The following CREB3L2 variants were observed in gnomAD, a reference collection of about 807,000 sequenced individuals.
CREB3L2 encodes the protein cAMP responsive element binding protein 3 like 2.
A neutral mutation model predicts 57.2 loss-of-function variants in CREB3L2; 23 were observed. The ratio of observed to expected loss-of-function variants is 0.40; its 90% confidence interval spans 0.29 to 0.57. The LOEUF (loss-of-function observed/expected upper bound fraction) is 0.57, where lower values mean the gene tolerates loss of function less well. CREB3L2 is among the 20% of genes least tolerant of loss of function. The probability of loss-of-function intolerance (pLI) is 0.42; values close to 1 mark genes in which losing one functional copy is unlikely to be tolerated. For missense variants in CREB3L2, 628 were observed against 634.7 expected (o/e 0.99, Z 0.11); for synonymous variants, 268 against 265.1 (o/e 1.01, Z -0.11).
chr7:137,903,132 A>G (rs1293745075), intron 7 of CREB3L2, among the ~76,000 whole-genome samples: 1 of 152,100 alleles, frequency 6.6e-6, no homozygotes, highest in Non-Finnish European at 1.5e-5. Context: ...TTTTTTCTGA[A>G]TATTTTAGAC....
chr7:137,958,593 A>T (rs1801262212), intron 1 of CREB3L2, among the ~76,000 whole-genome samples: 1 of 152,258 alleles, frequency 6.6e-6, no homozygotes, highest in Admixed American at 6.5e-5. Flanking sequence ...TAAGAGTTTT[A>T]AAAAGCTGTA....
chr7:137,976,770 T>A (rs1487159693), intron 1 of CREB3L2, among the ~76,000 whole-genome samples: 1 of 152,210 alleles, frequency 6.6e-6, no homozygotes, highest in Non-Finnish European at 1.5e-5. Flanking sequence ...TAGTATTTTT[T>A]AAAAATCTCC....
rs544763035 is a variant in CREB3L2, at chr7:137,991,013, T to G, written c.102+10591A>C. On this transcript the variant is annotated intron_variant, in intron 1 of 11. Transcript: ENST00000330387. ...CTGTTTTTCCATTCTTTATTTTGTC[T>G]GGGTTTCACTTAAACAAAGTTTTAA... Among the ~76,000 whole-genome samples, 8 of 152,330 alleles carry G rather than the reference T, an allele frequency of 5.3e-5. 1 individual carries two copies. The Middle Eastern group carries it at 0.017, about 324-fold the overall frequency.
intron 1 of CREB3L2, among the ~76,000 whole-genome samples, chr7:137,945,359 A>C (rs1252151520): frequency 6.6e-6 from 1 of 152,184 alleles, no homozygotes; most frequent in African/African-American, 2.4e-5. Context: ...TCTAATTTAC[A>C]ATGGGAGGAA....
chr7:137,932,729 G>C (rs1446600307), intron 1 of CREB3L2, among the ~76,000 whole-genome samples: 1 of 152,174 alleles, frequency 6.6e-6, no homozygotes, highest in Non-Finnish European at 1.5e-5. Context: ...GTTCCTACAA[G>C]TTCAAATATG....
chr7:137,914,987 A>C (rs1314900203), intron 3 of CREB3L2, among the ~76,000 whole-genome samples: 1 of 151,990 alleles, frequency 6.6e-6, no homozygotes, highest in Non-Finnish European at 1.5e-5. Context: ...TCCGCCTCCC[A>C]AAGTGCTGGG....
intron 1 of CREB3L2, among the ~76,000 whole-genome samples, chr7:137,942,481 A>C (rs1294481181): frequency 6.6e-6 from 1 of 152,228 alleles, no homozygotes; most frequent in Non-Finnish European, 1.5e-5. Context: ...GTAGTGGTTC[A>C]GTGTACCTTA....
At chr7:137,972,344 A>G (rs1222847863) in intron 1 of CREB3L2, among the ~76,000 whole-genome samples, 8 of 151,662 alleles carry the variant, frequency 5.3e-5, no homozygotes, top group Non-Finnish European at 1.2e-4. Flanking sequence ...AGGCTGAGGC[A>G]GGAGAATTGC....
Position 137,882,730 on chromosome 7 carries a change from T to C in CREB3L2, c.1271-102A>G, listed in dbSNP as rs988505664. On this transcript the variant is annotated intron_variant, in intron 10 of 11. Coordinates refer to ENST00000330387, the MANE Select transcript of CREB3L2 (RefSeq NM_194071.4). ...AGGGCTGGTGGCAGATGACAATGTG[T>C]GTGTTCTCGTTGCCCAGAACCATGG... 1.2e-5 allele frequency: 9 copies of C among 759,212 alleles called. No individual in the cohort carries two copies. In the Admixed American group the frequency reaches 1.2e-4, roughly 10 times the overall value. The allele number at this position is 759,212 out of a possible 1,614,324, so 47.0% of individuals were successfully genotyped here.
At chr7:137,958,473 T>G (rs1322741408) in intron 1 of CREB3L2, among the ~76,000 whole-genome samples, 2 of 151,920 alleles carry the variant, frequency 1.3e-5, no homozygotes, top group Non-Finnish European at 2.9e-5. Flanking sequence ...GAGACCAGAC[T>G]GGGCAACATA....
At chr7:137,961,589 G>A (rs76029561) in intron 1 of CREB3L2, among the ~76,000 whole-genome samples, 1,850 of 152,222 alleles carry the variant, frequency 0.012, 19 homozygotes, top group Non-Finnish European at 0.019. Context: ...AACTCTTCCT[G>A]TCATTTTGGG....
intron 8 of CREB3L2, among the ~76,000 whole-genome samples, chr7:137,893,746 C>T (rs939253867): frequency 1.3e-5 from 2 of 152,086 alleles, no homozygotes; most frequent in South Asian, 2.1e-4. Flanking sequence ...AGAGGAAGAT[C>T]AAAGAAAAAG....
At chr7:137,896,247 C>G (rs1283755628) in intron 8 of CREB3L2, among the ~76,000 whole-genome samples, 1 of 152,240 alleles carries the variant, frequency 6.6e-6, no homozygotes, top group African/African-American at 2.4e-5. Context: ...TTGAGCGAAG[C>G]AGCCCTGCTT....
At position 137,928,283 on chromosome 7, in the gene CREB3L2, C is replaced by T; in HGVS notation, c.186G>A (p.Val62=). Residue 62 remains valine (V), a synonymous_variant, in exon 2 of 12, where the codon GTG becomes GTA. Transcript: ENST00000330387. The stretch of plus-strand genomic sequence containing the variant: ...TCGGGGAAGGTTCCACCTCCATTGA[C>T]ACACTCTTCTCTGAGAGGAAAGGAT... ...LNDPFLSEKS[V]SMEVEPSPTS... 1 of 1,614,152 alleles carries T rather than the reference C, an allele frequency of 6.2e-7. No individual in the cohort carries two copies. Among genetic ancestry groups the T allele is most frequent in the South Asian group, 1.1e-5 (1 of 91,062 alleles).
chr7:137,943,435 C>T (rs1414774528), intron 1 of CREB3L2, among the ~76,000 whole-genome samples: 1 of 152,160 alleles, frequency 6.6e-6, no homozygotes, highest in African/African-American at 2.4e-5. Context: ...GACAAACAAC[C>T]AGACAGGCTT....
chr7:137,917,123 G>C (rs1438341432), intron 2 of CREB3L2, among the ~76,000 whole-genome samples: 5 of 152,134 alleles, frequency 3.3e-5, no homozygotes, highest in African/African-American at 1.2e-4. Flanking sequence ...TGAGAAAACA[G>C]CTGCATCTTG....
intron 5 of CREB3L2, among the ~76,000 whole-genome samples, chr7:137,906,839 A>T (rs1208801344): frequency 6.6e-6 from 1 of 152,168 alleles, no homozygotes; most frequent in African/African-American, 2.4e-5. Flanking sequence ...TCCATGTAAG[A>T]CATGACTTGC....
chr7:137,901,653 G>A (rs1172068052), intron 7 of CREB3L2, among the ~76,000 whole-genome samples: 1 of 151,826 alleles, frequency 6.6e-6, no homozygotes, highest in Non-Finnish European at 1.5e-5. Context: ...GGCCGAAGCA[G>A]GCGGATCACA....
chr7:137,888,030 G>A (rs1399417339), intron 8 of CREB3L2, among the ~76,000 whole-genome samples: 1 of 152,104 alleles, frequency 6.6e-6, no homozygotes, highest in East Asian at 1.9e-4. Flanking sequence ...ACAGCTCACT[G>A]CAGCCTCAAC....
Sources: allele counts gnomAD v4.1 joint callset (sites outside exome capture counted in the v4.1 genomes callset), GRCh38; gene constraint gnomAD v4.1.1; transcripts MANE v1.5; gene names NCBI Gene and HGNC (gene_info 2026-07-23, HGNC 2026-07-21).